TAS2R1: variants seen among roughly 807,000 people sequenced by gnomAD.
The protein encoded by TAS2R1 is taste 2 receptor member 1, also known as taste receptor type 2 member 1.
For missense variants in TAS2R1, 370 were observed against 353.4 expected (o/e 1.05, Z -0.38); for synonymous variants, 141 against 134.2 (o/e 1.05, Z -0.35).
chr5:9,866,613 C>T, the TAS2R1 span, among the ~76,000 whole-genome samples: 2 of 152,126 alleles, frequency 1.3e-5, no homozygotes, highest in Non-Finnish European at 2.9e-5. Context: ...TCCAGTTCAC[C>T]CTTACTCATA....
chr5:9,747,573 C>G, the TAS2R1 span, among the ~76,000 whole-genome samples: 2 of 152,084 alleles, frequency 1.3e-5, no homozygotes, highest in African/African-American at 4.8e-5. Flanking sequence ...AGAGAACTCA[C>G]TCATTACCAT....
chr5:9,706,805 T>A (rs1579793723), intron 1 of TAS2R1, among the ~76,000 whole-genome samples: 2 of 152,158 alleles, frequency 1.3e-5, no homozygotes, highest in Admixed American at 1.3e-4. Flanking sequence ...GGGAGGGAGC[T>A]GCAGGCATGG....
chr5:9,802,719 G>A, the TAS2R1 span, among the ~76,000 whole-genome samples: 6 of 152,214 alleles, frequency 3.9e-5, no homozygotes, highest in Admixed American at 1.3e-4. Context: ...TGGTCAACAT[G>A]GTGAAACCCC....
the TAS2R1 span, among the ~76,000 whole-genome samples, chr5:9,837,029 G>C: frequency 2.0e-5 from 3 of 152,144 alleles, no homozygotes; most frequent in Non-Finnish European, 4.4e-5. Context: ...TGGTTGGCTG[G>C]CTGGCTGGCT....
In TAS2R1 at chr5:9,647,896, T is replaced by C. The variant is rs73743127; in HGVS notation, c.-81+11525A>G. The stretch of plus-strand genomic sequence containing the variant: ...TAGATTCTACTGAAGAGGAAGAAAT[T>C]TGAATAATGTTAACAAGCAATTCAT... On this transcript the variant is annotated intron_variant, in intron 2 of 2. Coordinates refer to the TAS2R1 transcript ENST00000506620. 9.1e-3 allele frequency among the ~76,000 whole-genome samples: 1,389 copies of C among 152,282 alleles called. 22 individuals carry two copies. Among genetic ancestry groups the C allele is most frequent in the African/African-American group, 0.03 (1,253 of 41,560 alleles).
At chr5:9,706,929 C>T (rs551602821) in intron 1 of TAS2R1, among the ~76,000 whole-genome samples, 68 of 152,224 alleles carry the variant, frequency 4.5e-4, no homozygotes, top group African/African-American at 1.4e-3. Context: ...TTAAATGATG[C>T]GGTTTTTTTA....
At chr5:9,843,212 T>G in the TAS2R1 span, among the ~76,000 whole-genome samples, 1 of 152,214 alleles carries the variant, frequency 6.6e-6, no homozygotes, top group East Asian at 1.9e-4. Flanking sequence ...TGATTGAAGT[T>G]TTTGTTGCTT....
the TAS2R1 span, among the ~76,000 whole-genome samples, chr5:9,775,399 G>A: frequency 6.6e-6 from 1 of 152,032 alleles, no homozygotes; most frequent in African/African-American, 2.4e-5. Flanking sequence ...TGGGGACCCT[G>A]AGATCCTACT....
chr5:9,638,470 G>A (rs1740009381), intron 2 of TAS2R1, among the ~76,000 whole-genome samples: 3 of 152,202 alleles, frequency 2.0e-5, no homozygotes, highest in East Asian at 3.9e-4. Context: ...GGATATTGCA[G>A]GCAGTGGAAT....
intron 1 of TAS2R1, among the ~76,000 whole-genome samples, chr5:9,695,013 T>C (rs1741328920): frequency 1.3e-5 from 2 of 152,196 alleles, no homozygotes; most frequent in African/African-American, 4.8e-5. Flanking sequence ...ATTAACCACC[T>C]GGGTCAAATC....
the TAS2R1 span, among the ~76,000 whole-genome samples, chr5:9,764,278 ATGTAGCTT>A: frequency 8.5e-5 from 13 of 152,216 alleles, no homozygotes; most frequent in Non-Finnish European, 1.8e-4. Flanking sequence ...CTACCACCCT[ATGTAGCTT>A]CGGATGGTGT....
chr5:9,774,589 T>A, the TAS2R1 span, among the ~76,000 whole-genome samples: 2 of 152,254 alleles, frequency 1.3e-5, no homozygotes, highest in African/African-American at 2.4e-5. Flanking sequence ...TCCAGAGATT[T>A]GAAGGCACTT....
the TAS2R1 span, among the ~76,000 whole-genome samples, chr5:9,895,957 G>A: frequency 6.6e-6 from 1 of 152,186 alleles, no homozygotes. Flanking sequence ...CCAGGGTTAG[G>A]GATGGGTCTT....
the TAS2R1 span, among the ~76,000 whole-genome samples, chr5:9,855,327 T>C: frequency 7.1e-4 from 108 of 152,340 alleles, 1 homozygote; most frequent in Middle Eastern, 3.4e-3. Context: ...GGATAACCTC[T>C]AGTTCTTTAG....
chr5:9,723,196 G>T, the TAS2R1 span, among the ~76,000 whole-genome samples: 7 of 152,100 alleles, frequency 4.6e-5, no homozygotes, highest in Non-Finnish European at 1.0e-4. Context: ...TAAATCTTGG[G>T]AAGAGTTTTG....
chr5:9,775,340 C>A, the TAS2R1 span, among the ~76,000 whole-genome samples: 1 of 152,210 alleles, frequency 6.6e-6, no homozygotes, highest in African/African-American at 2.4e-5. Flanking sequence ...GGGCTCCTTG[C>A]TGGCCCAGGG....
chr5:9,640,810 A>T (rs964430191), intron 2 of TAS2R1, among the ~76,000 whole-genome samples: 2 of 152,156 alleles, frequency 1.3e-5, no homozygotes, highest in Admixed American at 6.5e-5. Flanking sequence ...GTAAAACCAG[A>T]CTCAATTATG....
the TAS2R1 span, among the ~76,000 whole-genome samples, chr5:9,851,214 CA>C: frequency 0.018 from 2,777 of 152,236 alleles, 94 homozygotes; most frequent in African/African-American, 0.064. Context: ...ACTCAACATC[CA>C]AACTTATTGA....
chr5:9,703,689 A>G (rs984142832), intron 1 of TAS2R1, among the ~76,000 whole-genome samples: 37 of 152,046 alleles, frequency 2.4e-4, no homozygotes, highest in African/African-American at 8.7e-4. Flanking sequence ...GAAAGAACAA[A>G]GTCTTGGGGA....
Sources: gnomAD v4.1 joint callset for allele counts (sites outside exome capture counted in the v4.1 genomes callset) on GRCh38, gnomAD v4.1.1 for gene constraint, MANE v1.5 for transcripts, NCBI Gene and HGNC (gene_info 2026-07-23, HGNC 2026-07-21) for gene names.